PIK3C3: variants seen among roughly 807,000 people sequenced by gnomAD.
PIK3C3 encodes phosphatidylinositol 3-kinase catalytic subunit type 3, also known as PI3-kinase type 3.
In PIK3C3, 95 loss-of-function variants were observed where a neutral mutation model predicts 126.1. That is an observed-to-expected ratio of 0.75 (90% CI 0.64 to 0.89). The LOEUF (loss-of-function observed/expected upper bound fraction) is 0.89, where lower values mean the gene tolerates loss of function less well. Among genes scored for constraint, PIK3C3 ranks in the 40% least tolerant of loss-of-function variants. PIK3C3 has a pLI of 0.00. For synonymous variants in PIK3C3, 374 were observed against 360.0 expected, an observed-to-expected ratio of 1.04 and a Z score of -0.44; for missense variants, 829 against 1,063.2, an observed-to-expected ratio of 0.78 and a Z score of 3.06.
intron 4 of PIK3C3, 81 bp from the exon 5 acceptor site, chr18:41,987,731 G>A (rs1297628092): frequency 1.2e-6 from 1 of 841,974 alleles, no homozygotes. Flanking sequence ...TATGTGAAGT[G>A]TACATTGCCA....
At chr18:41,957,277 A>G (rs1447363808) in intron 1 of PIK3C3, among the ~76,000 whole-genome samples, 2 of 152,118 alleles carry the variant, frequency 1.3e-5, no homozygotes, top group Non-Finnish European at 2.9e-5. Flanking sequence ...TCAAGGGTCA[A>G]TGGCAGCGTT....
rs1402838767 is a variant in PIK3C3 at position 42,081,765 on chromosome 18, G to A, written c.*628G>A. On this transcript the variant is annotated 3_prime_UTR_variant, in exon 25 of 25. Coordinates refer to ENST00000262039, the MANE Select transcript of PIK3C3 (RefSeq NM_002647.4). Reference sequence around the variant, plus strand: ...AATAATTAATTTTTTGTAAACTACAGTTAATAGTTCTTCTAGCTTGTAAGT... The same window carrying A: ...AATAATTAATTTTTTGTAAACTACAATTAATAGTTCTTCTAGCTTGTAAGT... The A allele has an allele frequency of 6.6e-6, 1 of 152,158 alleles. No homozygotes were observed. The highest frequency in any genetic ancestry group is 2.4e-5 in the African/African-American group (1 of 41,448). 9.4% of individuals were successfully genotyped at this position (152,158 alleles called of 1,614,324 possible). A position where few individuals can be genotyped will look rare whatever the true frequency, so the allele number is the denominator to read the frequency against.
chr18:42,076,164 A>G lies in PIK3C3; in HGVS notation c.2650-4959A>G, dbSNP rs58502825. ...TATATGCGCATATATATATATATGCACATATATATATATGCACATATATAT... is the reference window on the plus strand; with the variant it reads ...TATATGCGCATATATATATATATGCGCATATATATATATGCACATATATAT... On this transcript the variant is annotated intron_variant, in intron 24 of 24. Coordinates refer to ENST00000262039, the MANE Select transcript of PIK3C3 (RefSeq NM_002647.4). 5.8e-3 allele frequency among the ~76,000 whole-genome samples: 598 copies of G among 102,728 alleles called. 20 individuals are homozygous for G. Among genetic ancestry groups the G allele is most frequent in the East Asian group, 0.023 (56 of 2,480 alleles). The allele number at this position is 102,728 out of a possible 152,430, so 67.4% of individuals were successfully genotyped here.
intron 24 of PIK3C3, among the ~76,000 whole-genome samples, chr18:42,068,816 G>A (rs535432104): frequency 1.3e-5 from 2 of 152,120 alleles, no homozygotes; most frequent in African/African-American, 2.4e-5. Flanking sequence ...CAGGTGTGAT[G>A]GCGGGCGCCT....
intron 3 of PIK3C3, among the ~76,000 whole-genome samples, chr18:41,965,064 AT>A (rs1321677587): frequency 6.6e-6 from 1 of 152,214 alleles, no homozygotes; most frequent in East Asian, 1.9e-4. Context: ...CTAAATCAGT[AT>A]TGTTTCTTTT....
At chr18:42,075,398 C>T (rs2144532476) in intron 24 of PIK3C3, among the ~76,000 whole-genome samples, 1 of 152,076 alleles carries the variant, frequency 6.6e-6, no homozygotes, top group South Asian at 2.1e-4. Context: ...TCACACACAG[C>T]TTTTTTTCAT....
intron 21 of PIK3C3, among the ~76,000 whole-genome samples, chr18:42,056,160 C>T (rs189173086): frequency 2.0e-5 from 3 of 152,036 alleles, no homozygotes; most frequent in African/African-American, 7.2e-5. Flanking sequence ...AAAAAACATT[C>T]CCTTCAGTAT....
intron 16 of PIK3C3, among the ~76,000 whole-genome samples, chr18:42,036,553 T>A (rs1449989996): frequency 6.6e-6 from 1 of 152,104 alleles, no homozygotes; most frequent in Non-Finnish European, 1.5e-5. Flanking sequence ...TCTGACCATT[T>A]ATGTCCAGAA....
chr18:42,004,650 T>C lies in PIK3C3; in HGVS notation c.1170+109T>C, dbSNP rs1025980845. ...GAGTGAGAGAGAGAGTGTGTGCACA[T>C]GCAAGAGAGATTTTTAGAAGGGAAG... On this transcript the variant is annotated intron_variant, in intron 10 of 24. Transcript: ENST00000262039. 23 of 820,630 alleles carry C rather than the reference T, an allele frequency of 2.8e-5. No individual in the cohort carries two copies. The South Asian group carries it at 3.7e-4, about 13-fold the overall frequency. 50.8% of individuals were successfully genotyped at this position (820,630 alleles called of 1,614,324 possible).
intron 9 of PIK3C3, among the ~76,000 whole-genome samples, chr18:41,998,395 G>A (rs1425080171): frequency 6.6e-6 from 1 of 152,130 alleles, no homozygotes; most frequent in African/African-American, 2.4e-5. Context: ...GCAGCTCAGT[G>A]TCGTCTTAAA....
intron 18 of PIK3C3, among the ~76,000 whole-genome samples, chr18:42,039,843 G>A (rs1984225222): frequency 6.6e-6 from 1 of 152,006 alleles, no homozygotes; most frequent in Admixed American, 6.5e-5. Context: ...TACTTACTTG[G>A]CAAATTTCTT....
chr18:42,060,371 T>C (rs564674621), intron 22 of PIK3C3, among the ~76,000 whole-genome samples: 66 of 152,190 alleles, frequency 4.3e-4, no homozygotes, highest in Non-Finnish European at 6.0e-4. Flanking sequence ...ACATATTAAG[T>C]CTTTCTCCCA....
Position 41,994,105 on chromosome 18 carries a change from A to G in PIK3C3, c.786+764A>G, listed in dbSNP as rs550463909. Among the ~76,000 whole-genome samples the G allele has an allele frequency of 3.3e-5, 5 of 152,274 alleles. No individual in the cohort carries two copies. The South Asian group carries it at 8.3e-4, about 25-fold the overall frequency. ...AAGTGGATTAAAATTGGGACATTGG[A>G]TGATGAAAACATGATGATTGAGATA... On this transcript the variant is annotated intron_variant, in intron 7 of 24. Coordinates refer to ENST00000262039, the MANE Select transcript of PIK3C3 (RefSeq NM_002647.4).
chr18:42,013,669 T>C, intron 11 of PIK3C3, 73 bp downstream of exon 11: 1 of 1,138,894 alleles, frequency 8.8e-7, no homozygotes, highest in South Asian at 1.4e-5. Context: ...TCTCTTTTCC[T>C]TTCCTTAGAT....
At chr18:42,035,276 A>G (rs1234195024) in intron 16 of PIK3C3, among the ~76,000 whole-genome samples, 1 of 152,172 alleles carries the variant, frequency 6.6e-6, no homozygotes, top group African/African-American at 2.4e-5. Flanking sequence ...CCCAAAGAAG[A>G]CCAGCTTCTA....
At chr18:41,990,601 G>A in intron 6 of PIK3C3, 47 bp downstream of exon 6, 1 of 974,726 alleles carries the variant, frequency 1.0e-6, no homozygotes, top group Non-Finnish European at 1.6e-6. Flanking sequence ...GAGGGGAGAG[G>A]AAACATTAAA....
In PIK3C3 at chr18:42,015,270, A is replaced by T. The variant is rs1261496233; in HGVS notation, c.1326-206A>T. Among the ~76,000 whole-genome samples, 4 of 152,206 alleles carry T rather than the reference A, an allele frequency of 2.6e-5. No homozygotes were observed. The South Asian group carries it at 8.3e-4, about 31-fold the overall frequency. ...AAACCTTTAATATGCAGACTTGCAC[A>T]TAAATCTCCCAAGAGGCATTACCCA... On this transcript the variant is annotated intron_variant, in intron 11 of 24. Coordinates refer to ENST00000262039, the MANE Select transcript of PIK3C3 (RefSeq NM_002647.4).
At position 41,979,486 on chromosome 18, in the gene PIK3C3, G is replaced by T. The variant is rs182948979; in HGVS notation, c.532-8326G>T. ...GATTTTTATTATATAGTGGACATCA[G>T]TTCTTATTACAAATCCTATAATGGG... On this transcript the variant is annotated intron_variant, in intron 4 of 24. Coordinates refer to ENST00000262039, the MANE Select transcript of PIK3C3 (RefSeq NM_002647.4). 7.8e-4 allele frequency among the ~76,000 whole-genome samples: 119 copies of T among 152,244 alleles called. 1 individual carries two copies. Among genetic ancestry groups the T allele is most frequent in the Admixed American group, 6.4e-3 (98 of 15,292 alleles).
At chr18:42,017,636 A>C (rs923669032) in intron 12 of PIK3C3, among the ~76,000 whole-genome samples, 5 of 152,098 alleles carry the variant, frequency 3.3e-5, no homozygotes, top group Admixed American at 6.6e-5. Context: ...TAAGTAAATA[A>C]ATTGCATCTT....
Sources: allele counts gnomAD v4.1 joint callset (sites outside exome capture counted in the v4.1 genomes callset), GRCh38; gene constraint gnomAD v4.1.1; transcripts MANE v1.5; gene names NCBI Gene and HGNC (gene_info 2026-07-23, HGNC 2026-07-21).